FNIP1: variants seen among roughly 807,000 people sequenced by gnomAD.
The protein encoded by FNIP1 is folliculin-interacting protein 1.
Under a neutral mutation model 124.5 loss-of-function variants are expected in FNIP1, and 40 were observed. The observed-to-expected ratio is 0.32, with a 90% confidence interval of 0.25 to 0.42. The LOEUF (loss-of-function observed/expected upper bound fraction) is 0.42. FNIP1 is among the 10% of genes least tolerant of loss of function. FNIP1 has a pLI of 1.00. For synonymous variants in FNIP1, 472 were observed against 470.6 expected (o/e 1.00, Z -0.04); for missense variants, 1,176 against 1,403.7 (o/e 0.84, Z 2.59).
At chr5:131,716,991 T>A (rs868582363) in intron 5 of FNIP1, among the ~76,000 whole-genome samples, 16 of 150,300 alleles carry the variant, frequency 1.1e-4, no homozygotes, top group South Asian at 8.3e-4. Flanking sequence ...TATATATATT[T>A]TTTTTTATTA....
At chr5:131,779,490 C>A in intron 1 of FNIP1, among the ~76,000 whole-genome samples, 1 of 150,668 alleles carries the variant, frequency 6.6e-6, no homozygotes, top group African/African-American at 2.4e-5. Context: ...CCATCCTGGC[C>A]AACATGGTGA....
At chr5:131,721,330 G>T (rs1769653151) in intron 3 of FNIP1, among the ~76,000 whole-genome samples, 1 of 152,112 alleles carries the variant, frequency 6.6e-6, no homozygotes, top group South Asian at 2.1e-4. Flanking sequence ...GTTACCAGGG[G>T]CTGGGGTGAG....
chr5:131,740,990 T>C (rs1047938756), intron 2 of FNIP1, among the ~76,000 whole-genome samples: 1 of 151,876 alleles, frequency 6.6e-6, no homozygotes, highest in South Asian at 2.1e-4. Flanking sequence ...GTGTAAAAAA[T>C]GGGAGGCATG....
chr5:131,711,868 C>G (rs1179836966), intron 6 of FNIP1, among the ~76,000 whole-genome samples: 2 of 152,204 alleles, frequency 1.3e-5, no homozygotes, highest in Non-Finnish European at 2.9e-5. Flanking sequence ...AGCACATGTA[C>G]AGCAATCCTT....
rs139518562 is a variant in FNIP1 at position 131,684,256 on chromosome 5, G to A, written c.1203-5081C>T. On this transcript the variant is annotated intron_variant, in intron 11 of 17. Coordinates refer to ENST00000510461, the MANE Select transcript of FNIP1 (RefSeq NM_133372.3). ...CTTGATCTAAACTAGGAACATATGCGTCAGGCAACTCACATTTTTCATTGC... is the reference window on the plus strand; with the variant it reads ...CTTGATCTAAACTAGGAACATATGCATCAGGCAACTCACATTTTTCATTGC... Among the ~76,000 whole-genome samples, 224 of 152,296 alleles carry A rather than the reference G, an allele frequency of 1.5e-3. 1 individual carries two copies. Among genetic ancestry groups the A allele is most frequent in the African/African-American group, 5.1e-3 (213 of 41,558 alleles).
chr5:131,696,527 T>C (rs1355259567), intron 11 of FNIP1, among the ~76,000 whole-genome samples: 2 of 152,086 alleles, frequency 1.3e-5, no homozygotes, highest in African/African-American at 4.8e-5. Flanking sequence ...TTCAAAACAA[T>C]GTAAATATGC....
chr5:131,705,042 A>T (rs1303599508), intron 9 of FNIP1, among the ~76,000 whole-genome samples: 2 of 152,208 alleles, frequency 1.3e-5, no homozygotes, highest in African/African-American at 4.8e-5. Flanking sequence ...ATATCTGATA[A>T]GGGATCAATA....
intron 1 of FNIP1, among the ~76,000 whole-genome samples, chr5:131,779,556 C>T (rs1303805377): frequency 3.3e-5 from 5 of 151,252 alleles, no homozygotes; most frequent in African/African-American, 9.7e-5. Context: ...GGCATGGCGG[C>T]GTGCGCCTGT....
intron 1 of FNIP1, among the ~76,000 whole-genome samples, chr5:131,750,745 T>C (rs1276117471): frequency 6.6e-6 from 1 of 151,906 alleles, no homozygotes; most frequent in East Asian, 1.9e-4. Context: ...CCCAATTAGC[T>C]GAGATTACAG....
chr5:131,796,431 A>C, intron 1 of FNIP1: 1 of 200,228 alleles, frequency 5.0e-6, no homozygotes. Context: ...GGTCACGGGG[A>C]GGAGGGGAGA....
intron 1 of FNIP1, among the ~76,000 whole-genome samples, chr5:131,786,536 G>T (rs552407445): frequency 1.3e-5 from 2 of 152,246 alleles, no homozygotes; most frequent in East Asian, 1.9e-4. Context: ...CTAAAATGAA[G>T]GCTGGAAAAG....
At chr5:131,670,084 G>A (rs1196860076) in intron 15 of FNIP1, among the ~76,000 whole-genome samples, 1 of 152,042 alleles carries the variant, frequency 6.6e-6, no homozygotes, top group Non-Finnish European at 1.5e-5. Flanking sequence ...AAGACCAAAG[G>A]ATATAAGATC....
intron 13 of FNIP1, among the ~76,000 whole-genome samples, chr5:131,674,380 T>C (rs1767852142): frequency 6.6e-6 from 1 of 152,214 alleles, no homozygotes; most frequent in African/African-American, 2.4e-5. Context: ...TCTATATTTA[T>C]GCTATACTTC....
intron 15 of FNIP1, among the ~76,000 whole-genome samples, chr5:131,669,808 T>C (rs1345063222): frequency 6.6e-6 from 1 of 151,734 alleles, no homozygotes; most frequent in Non-Finnish European, 1.5e-5. Flanking sequence ...ACATACTTAA[T>C]CATGAAAGAT....
In FNIP1 at chr5:131,647,266, C is replaced by A. The variant is rs981688421; in HGVS notation, c.3307-61G>T. ...AACAGTTTGCAACTCTCAGTCATGG[C>A]AAACTCCAAAACATAATGTTTTTGA... On this transcript the variant is annotated intron_variant, in intron 16 of 17. Transcript: ENST00000510461. 15 of 1,183,638 alleles carry A rather than the reference C, an allele frequency of 1.3e-5. No homozygotes were observed. The African/African-American group carries it at 1.8e-4, about 14-fold the overall frequency. 73.3% of individuals were successfully genotyped at this position (1,183,638 alleles called of 1,614,324 possible).
intron 1 of FNIP1, among the ~76,000 whole-genome samples, chr5:131,790,948 T>G (rs1234999604): frequency 2.6e-5 from 4 of 152,178 alleles, no homozygotes; most frequent in African/African-American, 9.7e-5. Context: ...AGCAAGAAGT[T>G]ATCAAAGATT....
chr5:131,752,105 G>A (rs1417523979), intron 1 of FNIP1, among the ~76,000 whole-genome samples: 9 of 152,058 alleles, frequency 5.9e-5, no homozygotes, highest in Admixed American at 6.6e-5. Flanking sequence ...GTGCAGTGGC[G>A]CGATCTTGGC....
At chr5:131,681,680 G>T (rs1004817184) in intron 11 of FNIP1, among the ~76,000 whole-genome samples, 33 of 138,342 alleles carry the variant, frequency 2.4e-4, no homozygotes, top group African/African-American at 8.6e-4. Flanking sequence ...GCATAGAAGG[G>T]ATAGAAAAAC....
At chr5:131,750,930 A>G (rs1770853955) in intron 1 of FNIP1, among the ~76,000 whole-genome samples, 1 of 152,192 alleles carries the variant, frequency 6.6e-6, no homozygotes, top group African/African-American at 2.4e-5. Flanking sequence ...TAATATGGAC[A>G]AAATTTTCTG....
Sources: gnomAD v4.1 joint callset for allele counts (sites outside exome capture counted in the v4.1 genomes callset) on GRCh38, gnomAD v4.1.1 for gene constraint, MANE v1.5 for transcripts, NCBI Gene and HGNC (gene_info 2026-07-23, HGNC 2026-07-21) for gene names.